Variants in PTK2B observed in about 807,000 individuals in gnomAD.
The protein encoded by PTK2B is protein-tyrosine kinase 2-beta.
In PTK2B, 71 loss-of-function variants were observed where a neutral mutation model predicts 142.9. The observed-to-expected ratio is 0.50, with a 90% CI of 0.41 to 0.61. The LOEUF (loss-of-function observed/expected upper bound fraction) is 0.61, where lower values mean the gene tolerates loss of function less well. PTK2B is among the 20% of genes least tolerant of loss of function. The probability of loss-of-function intolerance (pLI) is 0.00; values close to 1 mark genes in which losing one functional copy is unlikely to be tolerated. For missense variants in PTK2B, 1,105 were observed against 1,320.4 expected (o/e 0.84, Z 2.53); for synonymous variants, 519 against 503.4 (o/e 1.03, Z -0.42).
chr8:27,390,647 T>A (rs28482046), intron 1 of PTK2B, among the ~76,000 whole-genome samples: 58,643 of 151,816 alleles, frequency 0.39, 11,811 homozygotes, highest in Middle Eastern at 0.5. Context: ...TCTCTAAAAA[T>A]TAATAATAAT....
intron 3 of PTK2B, among the ~76,000 whole-genome samples, chr8:27,313,987 T>C (rs1346592819): frequency 6.6e-6 from 1 of 152,196 alleles, no homozygotes; most frequent in Non-Finnish European, 1.5e-5. Context: ...TCACCTGGCA[T>C]TCTTGCTTGA....
rs113958233 is a variant in PTK2B at position 27,432,064 on chromosome 8, A to G, written c.886-196A>G. The G allele has an allele frequency of 2.4e-3, 1,228 of 515,126 alleles. 16 individuals carry two copies. Among genetic ancestry groups the G allele is most frequent in the African/African-American group, 0.021 (1,123 of 52,968 alleles). 31.9% of individuals were successfully genotyped at this position (515,126 alleles called of 1,614,324 possible). On this transcript the variant is annotated intron_variant, in intron 9 of 30. Transcript: ENST00000346049. ...GTGGTCCAAGACAATTCTTCTTCCAATGTGGCCCAGGGAAGCCAAAAGATT... is the reference window on the plus strand; with the variant it reads ...GTGGTCCAAGACAATTCTTCTTCCAGTGTGGCCCAGGGAAGCCAAAAGATT...
At position 27,432,353 on chromosome 8, in the gene PTK2B, G is replaced by A; in HGVS notation, c.979G>A (p.Ala327Thr). 1 of 1,613,726 alleles carries A rather than the reference G, an allele frequency of 6.2e-7. No homozygotes were observed. Among genetic ancestry groups the A allele is most frequent in the Non-Finnish European group, 8.5e-7 (1 of 1,179,990 alleles). ...QAVLQLGIEG[A>T]PQALSIKTSS... is the part of the protein sequence containing the mutation. ...AGTACTTCAGCTGGGCATTGAAGGT[G>A]CCCCCCAGGTGAGTGTCTCTGGGCA... Residue 327 changes from alanine (A) to threonine (T), a missense_variant, in exon 10 of 31, where the codon GCC becomes ACC. Coordinates refer to ENST00000346049, the MANE Select transcript of PTK2B (RefSeq NM_173176.3).
At chr8:27,329,125 A>T (rs1803585518) in intron 1 of PTK2B, among the ~76,000 whole-genome samples, 2 of 151,958 alleles carry the variant, frequency 1.3e-5, no homozygotes, top group African/African-American at 2.4e-5. Context: ...TTTAGTAGAG[A>T]CGGGGTTTCG....
chr8:27,322,655 C>T (rs551748278), upstream of PTK2B: 1 of 152,266 alleles, frequency 6.6e-6, no homozygotes, highest in South Asian at 2.1e-4. Flanking sequence ...ACTTATTTTT[C>T]TACTTTTCTA....
At chr8:27,427,176 G>A (rs1372130450) in intron 5 of PTK2B, among the ~76,000 whole-genome samples, 1 of 152,136 alleles carries the variant, frequency 6.6e-6, no homozygotes, top group East Asian at 1.9e-4. Flanking sequence ...TACTGAGCCC[G>A]TGTTACCTGC....
At chr8:27,318,350 GTCAC>G (rs1803136333) in intron 3 of PTK2B, among the ~76,000 whole-genome samples, 1 of 152,220 alleles carries the variant, frequency 6.6e-6, no homozygotes, top group African/African-American at 2.4e-5. Flanking sequence ...GGTTTGGGCA[GTCAC>G]TCAATGCTTC....
At position 27,453,127 on chromosome 8, in the gene PTK2B, G is replaced by A; in HGVS notation, c.2562G>A (p.Gly854=). ...EKEVGYLEFT[G]PPQKPPRLGA... ...TTTTTATTGCAGTGGAGTTCACAGG[G>A]CCCCCACAGAAGCCCCCGAGGCTGG... is the stretch of plus-strand genomic sequence containing the variant. The change falls in exon 28 of 31, where the codon GGG becomes GGA. Residue 854 remains glycine (G), a synonymous_variant. Transcript: ENST00000346049. 1 of 1,614,074 alleles carries A rather than the reference G, an allele frequency of 6.2e-7. No homozygotes were observed. The highest frequency in any genetic ancestry group is 1.3e-5 in the African/African-American group (1 of 75,014).
chr8:27,326,078 C>T (rs1803396266), intron 1 of PTK2B, among the ~76,000 whole-genome samples: 1 of 152,096 alleles, frequency 6.6e-6, no homozygotes, highest in Non-Finnish European at 1.5e-5. Context: ...CCTCCCGGGC[C>T]CTTCCGCAGC....
At position 27,420,079 on chromosome 8, in the gene PTK2B, AG is replaced by A. The variant is rs779263507; in HGVS notation, c.383+7del. On this transcript the variant is annotated splice_region_variant and intron_variant, in intron 3 of 30. Coordinates refer to ENST00000346049, the MANE Select transcript of PTK2B (RefSeq NM_173176.3). ...CACGTGGAAGCCGAGTGGAGGTAGG[AG>A]TGGATTCCTGGGCTCTGGAAGTGGG... 1 of 1,613,666 alleles carries A rather than the reference AG, an allele frequency of 6.2e-7. No individual in the cohort carries two copies. Among genetic ancestry groups the A allele is most frequent in the Non-Finnish European group, 8.5e-7 (1 of 1,179,656 alleles).
intron 3 of PTK2B, 146 bp from the exon 4 acceptor site, chr8:27,420,511 C>T: frequency 1.3e-6 from 1 of 761,136 alleles, no homozygotes; most frequent in Non-Finnish European, 2.2e-6. Flanking sequence ...AAGAGAAAAA[C>T]CAGCCCTGAA....
chr8:27,310,721 G>T, upstream of PTK2B: 1 of 1,445,646 alleles, frequency 6.9e-7, no homozygotes, highest in Non-Finnish European at 9.3e-7. Flanking sequence ...CTGGCAGGCA[G>T]GAGGGGCGGG....
chr8:27,451,654 G>T, intron 27 of PTK2B, 145 bp downstream of exon 27: 1 of 1,500,786 alleles, frequency 6.7e-7, no homozygotes, highest in Non-Finnish European at 8.9e-7. Context: ...AGAGCATGTG[G>T]GGCAGGCCAG....
At chr8:27,311,596 T>C (rs537547255) in exon 1 of PTK2B, 3 of 305,866 alleles carry the variant, frequency 9.8e-6, no homozygotes, top group Non-Finnish European at 1.8e-5. Flanking sequence ...CGGCTGCAAA[T>C]GGGAAAAGGA....
intron 24 of PTK2B, 80 bp downstream of exon 24, chr8:27,445,999 C>A: frequency 6.3e-7 from 1 of 1,578,740 alleles, no homozygotes. Flanking sequence ...CTGGAAACCC[C>A]ACGTCCTCAG....
At chr8:27,360,696 G>A (rs921506998) in intron 1 of PTK2B, among the ~76,000 whole-genome samples, 2 of 152,166 alleles carry the variant, frequency 1.3e-5, no homozygotes, top group Non-Finnish European at 2.9e-5. Flanking sequence ...ACTACCAAAT[G>A]ACACGTATAT....
intron 3 of PTK2B, among the ~76,000 whole-genome samples, chr8:27,319,513 G>A (rs796703695): frequency 2.4e-4 from 37 of 151,642 alleles, no homozygotes; most frequent in African/African-American, 8.0e-4. Context: ...GCCCGGTGGC[G>A]GGCGCCTGTA....
chr8:27,378,407 A>G (rs1806797642), intron 1 of PTK2B, among the ~76,000 whole-genome samples: 1 of 152,212 alleles, frequency 6.6e-6, no homozygotes, highest in South Asian at 2.1e-4. Context: ...CGATCACTTT[A>G]AACAGTATGA....
At chr8:27,399,466 A>G (rs1056594351) in intron 2 of PTK2B, among the ~76,000 whole-genome samples, 3 of 152,222 alleles carry the variant, frequency 2.0e-5, no homozygotes, top group Admixed American at 6.5e-5. Context: ...GACAGCAGAG[A>G]ATGAAGGGCC....
Sources: allele counts gnomAD v4.1 joint callset (sites outside exome capture counted in the v4.1 genomes callset), GRCh38; gene constraint gnomAD v4.1.1; transcripts MANE v1.5; gene names NCBI Gene and HGNC (gene_info 2026-07-23, HGNC 2026-07-21).